The following MXI1 variants were observed in gnomAD, a reference collection of about 807,000 sequenced individuals.
MXI1 encodes max-interacting protein 1.
A neutral mutation model predicts 36.9 loss-of-function variants in MXI1; 18 were observed. The ratio of observed to expected loss-of-function variants is 0.49; its 90% CI spans 0.34 to 0.72. The LOEUF (loss-of-function observed/expected upper bound fraction) is 0.72, where lower values mean the gene tolerates loss of function less well. Among genes scored for constraint, MXI1 ranks in the 30% least tolerant of loss-of-function variants. The pLI is 0.01. For synonymous variants in MXI1, 160 were observed against 146.7 expected, an observed-to-expected ratio of 1.09 and a Z score of -0.65; for missense variants, 304 against 379.1, an observed-to-expected ratio of 0.80 and a Z score of 1.64.
intron 2 of MXI1, 49 bp downstream of exon 2, chr10:110,228,370 A>G (rs747694400): frequency 6.2e-7 from 1 of 1,609,032 alleles, no homozygotes; most frequent in Non-Finnish European, 8.5e-7. Flanking sequence ...GAAGGAGCAC[A>G]TTTCTCCTGT....
At chr10:110,240,464 G>A (rs1855631226) in intron 2 of MXI1, among the ~76,000 whole-genome samples, 2 of 152,034 alleles carry the variant, frequency 1.3e-5, no homozygotes, top group Non-Finnish European at 2.9e-5. Flanking sequence ...CATTTCTTAT[G>A]AGGCATTTTT....
chr10:110,239,931 T>A (rs1269362151), intron 2 of MXI1, among the ~76,000 whole-genome samples: 5 of 151,670 alleles, frequency 3.3e-5, no homozygotes, highest in Non-Finnish European at 7.4e-5. Flanking sequence ...GTAACTGCAA[T>A]TCCAACTTTT....
chr10:110,226,350 G>T, intron 1 of MXI1: 1 of 1,415,146 alleles, frequency 7.1e-7, no homozygotes, highest in Non-Finnish European at 9.2e-7. Context: ...CGGTGCGGCC[G>T]GTAAGGGAGG....
chr10:110,225,999 C>A, intron 1 of MXI1: 1 of 983,192 alleles, frequency 1.0e-6, no homozygotes, highest in Non-Finnish European at 1.2e-6. Context: ...GAGAGGTAAA[C>A]AAACCACGCG....
At chr10:110,278,980 G>A (rs553935053) in intron 3 of MXI1, among the ~76,000 whole-genome samples, 200 bp from the exon 4 acceptor site, 2 of 152,314 alleles carry the variant, frequency 1.3e-5, no homozygotes, top group South Asian at 2.1e-4. Flanking sequence ...TCTAAAGTGA[G>A]TGTTGTCTAA....
At chr10:110,244,515 A>G (rs1855789275) in intron 2 of MXI1, among the ~76,000 whole-genome samples, 1 of 150,716 alleles carries the variant, frequency 6.6e-6, no homozygotes, top group Admixed American at 6.6e-5. Context: ...AATTTCTTAT[A>G]TAACATCTGC....
chr10:110,261,125 C>A (rs1856495255), intron 3 of MXI1: 1 of 985,032 alleles, frequency 1.0e-6, no homozygotes, highest in African/African-American at 1.7e-5. Flanking sequence ...TATAAACAAT[C>A]TGAAGAGAAA....
chr10:110,274,020 A>G (rs1242017849), intron 3 of MXI1, among the ~76,000 whole-genome samples: 1 of 152,184 alleles, frequency 6.6e-6, no homozygotes, highest in African/African-American at 2.4e-5. Flanking sequence ...TGCGCTTCCT[A>G]TTATAGTTGA....
At chr10:110,218,671 T>G (rs2134334043) in intron 1 of MXI1, among the ~76,000 whole-genome samples, 1 of 152,250 alleles carries the variant, frequency 6.6e-6, no homozygotes, top group South Asian at 2.1e-4. Context: ...CCTGCAGTAG[T>G]ACCTTGCCCA....
At chr10:110,261,344 G>C (rs1321980323) in intron 3 of MXI1, among the ~76,000 whole-genome samples, 1 of 151,778 alleles carries the variant, frequency 6.6e-6, no homozygotes, top group Non-Finnish European at 1.5e-5. Context: ...TAGTTATGCT[G>C]TGTTTAATTG....
At chr10:110,260,417 GT>G (rs1275173253) in intron 3 of MXI1, among the ~76,000 whole-genome samples, 721 of 6,116 alleles carry the variant, frequency 0.12, 5 homozygotes, top group East Asian at 0.45. Context: ...CTTGATACAG[GT>G]GTGTGTGTGT....
intron 3 of MXI1, among the ~76,000 whole-genome samples, chr10:110,268,168 G>A (rs891779216): frequency 3.9e-5 from 6 of 152,160 alleles, no homozygotes; most frequent in African/African-American, 1.4e-4. Context: ...AATAAAACAT[G>A]TTCCCCTCCA....
chr10:110,209,995 C>T (rs536514240), intron 1 of MXI1, among the ~76,000 whole-genome samples: 8 of 150,300 alleles, frequency 5.3e-5, no homozygotes, highest in Middle Eastern at 3.4e-3. Flanking sequence ...TCCCGCCCCC[C>T]ACTTCGCACC....
intron 5 of MXI1, among the ~76,000 whole-genome samples, chr10:110,282,523 C>T (rs1479229377): frequency 6.6e-6 from 1 of 152,206 alleles, no homozygotes; most frequent in East Asian, 1.9e-4. Context: ...AGTCTTTCCT[C>T]TATTGCTAAC....
At chr10:110,225,307 C>T (rs551264185) in intron 1 of MXI1, among the ~76,000 whole-genome samples, 1 of 152,152 alleles carries the variant, frequency 6.6e-6, no homozygotes, top group East Asian at 1.9e-4. Context: ...CAAACTGTTC[C>T]GCACCAGGGA....
At chr10:110,222,553 C>G (rs1350877694) in intron 1 of MXI1, among the ~76,000 whole-genome samples, 2 of 152,174 alleles carry the variant, frequency 1.3e-5, no homozygotes, top group African/African-American at 4.8e-5. Flanking sequence ...TGTCCCCATC[C>G]GTGGCTGTGA....
chr10:110,275,765 A>C (rs142389680), intron 3 of MXI1, among the ~76,000 whole-genome samples: 2,546 of 152,340 alleles, frequency 0.017, 36 homozygotes, highest in Non-Finnish European at 0.027. Context: ...TTCCACAGGT[A>C]CACCTCTGTC....
chr10:110,280,147 GGT>G, intron 5 of MXI1, 62 bp downstream of exon 5: 1 of 1,415,750 alleles, frequency 7.1e-7, no homozygotes, highest in Non-Finnish European at 9.4e-7. Context: ...ATTTAGGGAA[GGT>G]ATGTTGGGAG....
At chr10:110,236,608 G>A (rs562331058) in intron 2 of MXI1, among the ~76,000 whole-genome samples, 3 of 152,018 alleles carry the variant, frequency 2.0e-5, no homozygotes, top group African/African-American at 7.2e-5. Context: ...CTACAGGTGT[G>A]CACTCCCACA....
Sources: allele counts gnomAD v4.1 joint callset (sites outside exome capture counted in the v4.1 genomes callset), GRCh38; gene constraint gnomAD v4.1.1; transcripts MANE v1.5; gene names NCBI Gene and HGNC (gene_info 2026-07-23, HGNC 2026-07-21).